Variants in ZNF385D observed in about 807,000 individuals in gnomAD.
ZNF385D encodes zinc finger protein 659.
ZNF385D carries 15 observed loss-of-function variants against 35.8 expected under a neutral mutation model. That is an observed-to-expected ratio of 0.42 (90% CI 0.28 to 0.64). ZNF385D has a LOEUF of 0.64. ZNF385D is among the 30% of genes least tolerant of loss of function. The pLI, the probability that ZNF385D is intolerant of heterozygous loss-of-function variation, is 0.23. For synonymous variants in ZNF385D, 212 were observed against 186.8 expected, an observed-to-expected ratio of 1.13 and a Z score of -1.10; for missense variants, 474 against 494.6, an observed-to-expected ratio of 0.96 and a Z score of 0.39.
chr3:21,924,406 C>A (rs115471757), intron 3 of ZNF385D, among the ~76,000 whole-genome samples: 72 of 152,272 alleles, frequency 4.7e-4, no homozygotes, highest in African/African-American at 1.4e-3. Flanking sequence ...GAAAAAAGCC[C>A]TAACAAAATC....
chr3:21,615,650 G>GT (rs1193021325), intron 2 of ZNF385D, among the ~76,000 whole-genome samples: 1 of 151,670 alleles, frequency 6.6e-6, no homozygotes, highest in African/African-American at 2.4e-5. Flanking sequence ...GAGTTTTATT[G>GT]TTTTTTTCAG....
intron 2 of ZNF385D, among the ~76,000 whole-genome samples, chr3:22,345,587 C>T (rs576387644): frequency 1.3e-4 from 20 of 152,252 alleles, no homozygotes; most frequent in African/African-American, 3.6e-4. Context: ...CAAACAATAA[C>T]GAAGTAAATA....
intron 2 of ZNF385D, among the ~76,000 whole-genome samples, chr3:22,269,304 A>G (rs918971750): frequency 3.9e-5 from 6 of 151,986 alleles, no homozygotes; most frequent in Non-Finnish European, 7.4e-5. Flanking sequence ...TGGTGGCTAT[A>G]AGACCACGGA....
intron 3 of ZNF385D, among the ~76,000 whole-genome samples, chr3:21,970,154 T>C (rs1703157599): frequency 6.6e-6 from 1 of 152,110 alleles, no homozygotes; most frequent in Non-Finnish European, 1.5e-5. Context: ...AATTCTTCAA[T>C]ACTCTGACAC....
At chr3:22,032,425 C>T (rs920467517) in intron 3 of ZNF385D, among the ~76,000 whole-genome samples, 20 of 152,142 alleles carry the variant, frequency 1.3e-4, no homozygotes, top group African/African-American at 2.4e-4. Flanking sequence ...TCATGAGAAC[C>T]CCCTCACTAT....
chr3:21,662,003 C>T (rs1167408135), intron 2 of ZNF385D, among the ~76,000 whole-genome samples: 1 of 152,132 alleles, frequency 6.6e-6, no homozygotes, highest in Non-Finnish European at 1.5e-5. Flanking sequence ...CTATCCCAAA[C>T]AGAGAGATGA....
chr3:21,763,134 C>A (rs112545438), intron 3 of ZNF385D, among the ~76,000 whole-genome samples: 2 of 152,072 alleles, frequency 1.3e-5, no homozygotes, highest in African/African-American at 4.8e-5. Context: ...AATTGATGGA[C>A]AGTTTAGAGA....
intron 2 of ZNF385D, among the ~76,000 whole-genome samples, chr3:21,597,365 A>AG (rs1477176278): frequency 6.6e-6 from 1 of 152,076 alleles, no homozygotes; most frequent in African/African-American, 2.4e-5. Context: ...TAATTCAAAA[A>AG]AAAAAGAAAA....
chr3:22,141,490 G>C (rs1704500712), intron 3 of ZNF385D, among the ~76,000 whole-genome samples: 1 of 152,088 alleles, frequency 6.6e-6, no homozygotes, highest in Admixed American at 6.5e-5. Flanking sequence ...GCTAAACTTT[G>C]CTGAAATTTC....
Position 21,412,483 on chromosome 3 carries a change from G to T in ZNF385D, c.*8731C>A, listed in dbSNP as rs1195046687. 6.6e-6 allele frequency: 1 copy of T among 151,910 alleles called. No homozygotes were observed. The highest frequency in any genetic ancestry group is 1.9e-4 in the East Asian group (1 of 5,170). 9.4% of individuals were successfully genotyped at this position (151,910 alleles called of 1,614,324 possible). On this transcript the variant is annotated 3_prime_UTR_variant, in exon 8 of 8. Coordinates refer to ENST00000281523, the MANE Select transcript of ZNF385D (RefSeq NM_024697.3). ...GTTGAAAAAAAAAGTTTCCCAAATT[G>T]AAAACATTGCCTATGGATTATCTAC...
At chr3:22,032,233 C>A (rs1046478898) in intron 3 of ZNF385D, among the ~76,000 whole-genome samples, 1 of 152,196 alleles carries the variant, frequency 6.6e-6, no homozygotes, top group East Asian at 1.9e-4. Flanking sequence ...TGCCAGTTAC[C>A]CAGATCCAAA....
chr3:22,357,346 C>A (rs1696200936), intron 2 of ZNF385D, among the ~76,000 whole-genome samples: 1 of 151,804 alleles, frequency 6.6e-6, no homozygotes, highest in Admixed American at 6.6e-5. Context: ...TACTACTTTT[C>A]AATTAGATGC....
chr3:21,803,130 T>C (rs559941312), intron 3 of ZNF385D, among the ~76,000 whole-genome samples: 45 of 152,156 alleles, frequency 3.0e-4, no homozygotes, highest in Non-Finnish European at 5.9e-4. Flanking sequence ...GGGAGTTATA[T>C]AAGCCTCCCA....
chr3:22,163,860 G>C (rs777962880), intron 3 of ZNF385D, among the ~76,000 whole-genome samples: 2 of 152,066 alleles, frequency 1.3e-5, no homozygotes, highest in African/African-American at 2.4e-5. Context: ...GGAGAAGAAT[G>C]AAAGAATTCC....
intron 2 of ZNF385D, among the ~76,000 whole-genome samples, chr3:22,188,183 C>T (rs905823672): frequency 1.3e-5 from 2 of 152,184 alleles, no homozygotes; most frequent in East Asian, 3.9e-4. Context: ...AAAGTTTATT[C>T]TGTGGACAAA....
intron 3 of ZNF385D, among the ~76,000 whole-genome samples, chr3:21,864,680 G>T (rs1436806335): frequency 1.3e-5 from 2 of 152,028 alleles, no homozygotes. Context: ...ACTCTAAAGT[G>T]AGTCTTTTTG....
At chr3:22,284,363 T>C (rs1701919555) in intron 2 of ZNF385D, among the ~76,000 whole-genome samples, 1 of 151,976 alleles carries the variant, frequency 6.6e-6, no homozygotes, top group Admixed American at 6.6e-5. Flanking sequence ...TATTCTTTTT[T>C]TTATTTTTAG....
intron 2 of ZNF385D, among the ~76,000 whole-genome samples, chr3:22,264,187 A>T (rs1700778243): frequency 6.6e-6 from 1 of 152,024 alleles, no homozygotes; most frequent in African/African-American, 2.4e-5. Flanking sequence ...AGGTCTTGGC[A>T]GAAATTCAGT....
intron 2 of ZNF385D, among the ~76,000 whole-genome samples, chr3:22,245,615 T>G (rs1183686848): frequency 6.6e-6 from 1 of 152,102 alleles, no homozygotes; most frequent in Non-Finnish European, 1.5e-5. Context: ...AAAATGTGTT[T>G]CAGATTTGAC....
Sources: gnomAD v4.1 joint callset for allele counts (sites outside exome capture counted in the v4.1 genomes callset) on GRCh38, gnomAD v4.1.1 for gene constraint, MANE v1.5 for transcripts, NCBI Gene and HGNC (gene_info 2026-07-23, HGNC 2026-07-21) for gene names.